The following TMC6 variants were observed in gnomAD, a reference collection of about 807,000 sequenced individuals.
TMC6 encodes transmembrane channel like 6.
TMC6 carries 71 observed loss-of-function variants against 95.4 expected under a neutral mutation model. The observed-to-expected ratio is 0.74, with a 90% CI of 0.61 to 0.91. The LOEUF (loss-of-function observed/expected upper bound fraction) is 0.91, where lower values mean the gene tolerates loss of function less well. Among genes scored for constraint, TMC6 ranks in the 40% least tolerant of loss-of-function variants. The pLI, the probability that TMC6 is intolerant of heterozygous loss-of-function variation, is 0.00. For missense variants in TMC6, 1,074 were observed against 1,079.1 expected, an observed-to-expected ratio of 1.00 and a Z score of 0.07; for synonymous variants, 514 against 483.1, an observed-to-expected ratio of 1.06 and a Z score of -0.84.
intron 18 of TMC6, 187 bp from the exon 19 acceptor site, chr17:78,113,811 G>A: frequency 6.1e-6 from 4 of 656,920 alleles, no homozygotes; most frequent in Non-Finnish European, 1.1e-5. Flanking sequence ...CCAGGAAGTG[G>A]GCGTATGTGT....
Position 78,121,582 on chromosome 17 carries a change from G to A in TMC6, c.1357C>T (p.His453Tyr), listed in dbSNP as rs1264433471. ...TGGATCATGAACTCCGAGAAGACGTGGACGGCCACGGCGCAGCCCAGCGCG... is the reference window on the plus strand; with the variant it reads ...TGGATCATGAACTCCGAGAAGACGTAGACGGCCACGGCGCAGCCCAGCGCG... Reference protein sequence around the residue: ...GTALGCAVAVHVFSEFMIQSP... With the variant: ...GTALGCAVAVYVFSEFMIQSP... Residue 453 changes from histidine to tyrosine, a missense_variant, in exon 11 of 20, where the codon CAC (histidine) becomes TAC (tyrosine). Physicochemically the swap from His to Tyr is moderately conservative, Grantham distance 83. Coordinates refer to ENST00000590602, the MANE Select transcript of TMC6 (RefSeq NM_001127198.5). The surrounding 1 kb of genome is among the most constrained non-coding windows in gnomAD (Gnocchi z 5.6). 1.9e-6 allele frequency: 3 copies of A among 1,611,444 alleles called. No homozygotes were observed. In the African/African-American group the frequency reaches 4.0e-5, roughly 22 times the overall value.
chr17:78,126,483 A>C, intron 3 of TMC6, 41 bp downstream of exon 3: 1 of 1,611,566 alleles, frequency 6.2e-7, no homozygotes, highest in Non-Finnish European at 8.5e-7. Flanking sequence ...GGGGCACCCA[A>C]GTCTTGGTCC....
At chr17:78,119,249 G>A (rs1490197113) in intron 14 of TMC6, 48 bp downstream of exon 14, 12 of 1,603,706 alleles carry the variant, frequency 7.5e-6, no homozygotes, top group Non-Finnish European at 1.0e-5. Context: ...GGGGAAAGGG[G>A]CACTGACCGA....
chr17:78,132,130 G>C, upstream of TMC6: 1 of 1,517,494 alleles, frequency 6.6e-7, no homozygotes, highest in Non-Finnish European at 8.8e-7. Flanking sequence ...CCTTCACCCG[G>C]GTCCCCCGAC....
chr17:78,113,292 C>A lies in TMC6; in HGVS notation c.2355-81G>T. 4.8e-6 allele frequency: 7 copies of A among 1,472,544 alleles called. No individual in the cohort carries two copies. The South Asian group carries it at 6.4e-5, about 14-fold the overall frequency. The allele number at this position is 1,472,544 out of a possible 1,614,324, so 91.2% of individuals were successfully genotyped here. ...CTGGCTGGGCGCAGCCAAGGCCCGGCGAGGGACAGGCCAGACGCCCCACAG... is the reference window on the plus strand; with the variant it reads ...CTGGCTGGGCGCAGCCAAGGCCCGGAGAGGGACAGGCCAGACGCCCCACAG... On this transcript the variant is annotated intron_variant, in intron 19 of 19. Transcript: ENST00000590602.
chr17:78,131,727 C>T, upstream of TMC6: 1 of 1,584,082 alleles, frequency 6.3e-7, no homozygotes, highest in Non-Finnish European at 8.6e-7. Context: ...GATGGACAAG[C>T]GCCTCATCTG....
At position 78,111,792 on chromosome 17, in the gene TMC6, C is replaced by T. The variant is rs183025531; in HGVS notation, c.*1356G>A. The T allele has an allele frequency of 5.0e-4, 102 of 202,330 alleles. 1 individual carries two copies. The highest frequency in any genetic ancestry group is 2.3e-3 in the African/African-American group (97 of 42,034). 12.5% of individuals were successfully genotyped at this position (202,330 alleles called of 1,614,324 possible). On this transcript the variant is annotated 3_prime_UTR_variant, in exon 20 of 20. Coordinates refer to ENST00000590602, the MANE Select transcript of TMC6 (RefSeq NM_001127198.5). ...TGGGCCCATCGCTCTTTGACCATTT[C>T]CCCACCTGGGTTCATTCCCCCAATC... is the stretch of plus-strand genomic sequence containing the variant.
At position 78,121,686 on chromosome 17, in the gene TMC6, C is replaced by T. The variant is rs1451228993; in HGVS notation, c.1253G>A (p.Arg418Gln). Reference protein sequence around the residue: ...LKELLAEWQLRHSPRSVCGRL... With the variant: ...LKELLAEWQLQHSPRSVCGRL... ...CCCGCACACGCTCCTGGGGCTGTGC[C>T]GCAGCTGCCACTCGGCCAGCAGCTC... The change falls in exon 11 of 20, where the codon CGG becomes CAG. Residue 418 changes from arginine (R) to glutamine (Q), a missense_variant. Physicochemically the swap from Arg to Gln is conservative, Grantham distance 43. Transcript: ENST00000590602. The surrounding 1 kb of genome is among the most constrained non-coding windows in gnomAD (Gnocchi z 5.6). The T allele has an allele frequency of 4.4e-6, 7 of 1,589,024 alleles. No individual in the cohort carries two copies. Among genetic ancestry groups the T allele is most frequent in the African/African-American group, 2.7e-5 (2 of 74,538 alleles).
chr17:78,115,992 C>A (rs1484711012), intron 18 of TMC6, among the ~76,000 whole-genome samples: 1 of 151,926 alleles, frequency 6.6e-6, no homozygotes, highest in Non-Finnish European at 1.5e-5. Context: ...GGGTCCGACC[C>A]CCTTCTGCAA....
intron 19 of TMC6, 89 bp downstream of exon 19, chr17:78,113,459 G>A (rs2073895634): frequency 4.1e-6 from 6 of 1,475,196 alleles, no homozygotes; most frequent in Non-Finnish European, 5.7e-6. Context: ...CAATGTCGTG[G>A]TGTAGCCCCA....
chr17:78,129,468 C>T (rs1212438361), upstream of TMC6, among the ~76,000 whole-genome samples: 1 of 152,160 alleles, frequency 6.6e-6, no homozygotes, highest in African/African-American at 2.4e-5. The surrounding 1 kb of genome is among the most constrained non-coding windows in gnomAD (Gnocchi z 4.3). Context: ...TAGTGGTCCA[C>T]CTGGGAACTC....
rs1226929683 is a variant in TMC6 at position 78,113,177 on chromosome 17, C to A, written c.2389G>T (p.Ala797Ser). ...GTTEEAAAPP[A>S]LLTDEQDA ...GCATCCTGTTCATCTGTGAGCAGGG[C>A]AGGGGGTGCCGCAGCCTCCTCGGTT... is the stretch of plus-strand genomic sequence containing the variant. Residue 797 changes from alanine (A) to serine (S), a missense_variant, in exon 20 of 20, where the codon GCC (alanine) becomes TCC (serine). Physicochemically the swap from Ala to Ser is moderately conservative, Grantham distance 99 (BLOSUM62 1). Transcript: ENST00000590602. 1.9e-6 allele frequency: 3 copies of A among 1,558,194 alleles called. No individual in the cohort carries two copies. The highest frequency in any genetic ancestry group is 2.6e-6 in the Non-Finnish European group (3 of 1,150,094).
Position 78,121,719 on chromosome 17 carries a change from C to A in TMC6, c.1228-8G>T. 6.4e-7 allele frequency: 1 copy of A among 1,574,292 alleles called. No individual in the cohort carries two copies. The highest frequency in any genetic ancestry group is 8.6e-7 in the Non-Finnish European group (1 of 1,163,608). On this transcript the variant is annotated splice_polypyrimidine_tract_variant and splice_region_variant and intron_variant, in intron 10 of 19. Transcript: ENST00000590602. This position sits in a 1 kb window ranked among gnomAD's most constrained non-coding sequence, Gnocchi z 5.6. ...CCACTCGGCCAGCAGCTCCTGCAGG[C>A]GGCACCGTGTCCCCGTCACCCACAC...
rs545056582 is a variant in TMC6 at position 78,125,805 on chromosome 17, G to C, written c.351C>G (p.Leu117=). 1.2e-5 allele frequency: 19 copies of C among 1,559,092 alleles called. No homozygotes were observed. Among genetic ancestry groups the C allele is most frequent in the Non-Finnish European group, 1.6e-5 (19 of 1,151,744 alleles). Residue 117 remains leucine, a synonymous_variant, in exon 5 of 20, where the codon CTC becomes CTG. Transcript: ENST00000590602. Reference sequence around the variant, plus strand: ...GCCAGGCGGAGCGGACAAAGTTCCCGAGCAGGGGCCGGCTGCTCCTGCACC... The same window carrying C: ...GCCAGGCGGAGCGGACAAAGTTCCCCAGCAGGGGCCGGCTGCTCCTGCACC... The part of the protein sequence containing the change: ...QLRCRSSRPL[L]GNFVRSAWPS...
In TMC6 at chr17:78,117,948, G is replaced by T; in HGVS notation, c.1888-13C>A. ...CCAGAAGGCTGGTCTGTGGGGAAAGGCTGCGCTCTGCCACCATCCTGCTAC... is the reference window on the plus strand; with the variant it reads ...CCAGAAGGCTGGTCTGTGGGGAAAGTCTGCGCTCTGCCACCATCCTGCTAC... On this transcript the variant is annotated splice_polypyrimidine_tract_variant and intron_variant, in intron 15 of 19. Transcript: ENST00000590602. 1 of 1,592,422 alleles carries T rather than the reference G, an allele frequency of 6.3e-7. No individual in the cohort carries two copies. The highest frequency in any genetic ancestry group is 8.5e-7 in the Non-Finnish European group (1 of 1,170,194).
intron 19 of TMC6, 98 bp from the exon 20 acceptor site, chr17:78,113,309 GC>G: frequency 7.3e-7 from 1 of 1,366,992 alleles, no homozygotes; most frequent in Non-Finnish European, 1.0e-6. Context: ...CAGGCCAGAC[GC>G]CCCACAGCCT....
Position 78,122,887 on chromosome 17 carries a change from G to T in TMC6, c.1083-138C>A. 8.4e-7 allele frequency: 1 copy of T among 1,197,122 alleles called. No individual in the cohort carries two copies. Among genetic ancestry groups the T allele is most frequent in the Non-Finnish European group, 1.2e-6 (1 of 842,220 alleles). 74.2% of individuals were successfully genotyped at this position (1,197,122 alleles called of 1,614,324 possible). On this transcript the variant is annotated intron_variant, in intron 9 of 19. Coordinates refer to ENST00000590602, the MANE Select transcript of TMC6 (RefSeq NM_001127198.5). This position sits in a 1 kb window ranked among gnomAD's most constrained non-coding sequence, Gnocchi z 4.9. ...CATCTGGGCCCTGACTGGGCCTCCT[G>T]CCACACCCCTGCCCCACCACCAGCC...
At position 78,121,390 on chromosome 17, in the gene TMC6, T is replaced by A. The variant is rs2074406040; in HGVS notation, c.1383+166A>T. ...AAAACCGTGAGACAGGACAAGGGGC[T>A]GAGAAGTGGGGCTCGGAGGGGGCCC... is the stretch of plus-strand genomic sequence containing the variant. On this transcript the variant is annotated intron_variant, in intron 11 of 19. Coordinates refer to ENST00000590602, the MANE Select transcript of TMC6 (RefSeq NM_001127198.5). The surrounding 1 kb of genome is among the most constrained non-coding windows in gnomAD (Gnocchi z 5.6). 6.6e-6 allele frequency among the ~76,000 whole-genome samples: 1 copy of A among 152,008 alleles called. No individual in the cohort carries two copies. Among genetic ancestry groups the A allele is most frequent in the South Asian group, 2.1e-4 (1 of 4,818 alleles).
At chr17:78,119,955 G>A (rs1159501744) in intron 13 of TMC6, 2 of 347,840 alleles carry the variant, frequency 5.7e-6, no homozygotes, top group African/African-American at 2.2e-5. Flanking sequence ...GCCTCCTACT[G>A]ATTTTTTTAA....
Sources: gnomAD v4.1 joint callset for allele counts (sites outside exome capture counted in the v4.1 genomes callset) on GRCh38, gnomAD v4.1.1 for gene constraint, Gnocchi (gnomAD v3.1) non-coding constraint, MANE v1.5 for transcripts, NCBI Gene and HGNC (gene_info 2026-07-23, HGNC 2026-07-21) for gene names.